The following SYNE1 variants were observed in gnomAD, a reference collection of about 807,000 sequenced individuals.
SYNE1 encodes nesprin-1.
SYNE1 carries 616 observed loss-of-function variants against 1,111.0 expected under a neutral mutation model. That is an observed-to-expected ratio of 0.55 (90% confidence interval 0.52 to 0.59). SYNE1 has a LOEUF of 0.59. Among genes scored for constraint, SYNE1 ranks in the 20% least tolerant of loss-of-function variants. The pLI is 0.00. For missense variants in SYNE1, 10,006 were observed against 10,417.0 expected, an observed-to-expected ratio of 0.96 and a Z score of 1.72; for synonymous variants, 3,855 against 3,825.8, an observed-to-expected ratio of 1.01 and a Z score of -0.28.
chr6:152,628,570 G>T lies in SYNE1; in HGVS notation c.-223-16C>A. 1.9e-6 allele frequency: 1 copy of T among 529,130 alleles called. No homozygotes were observed. The highest frequency in any genetic ancestry group is 3.4e-6 in the Non-Finnish European group (1 of 297,542). The allele number at this position is 529,130 out of a possible 1,614,324, so 32.8% of individuals were successfully genotyped here. A position where few individuals can be genotyped will look rare whatever the true frequency, so the allele number is the denominator to read the frequency against. On this transcript the variant is annotated splice_polypyrimidine_tract_variant and intron_variant, in intron 2 of 145. Transcript: ENST00000367255. The stretch of plus-strand genomic sequence containing the variant: ...ACTCAAGAACCTGAAAAACAAAAAA[G>T]AAAAGGTACAACATAAAAAAAAAAT...
chr6:152,409,073 G>A lies in SYNE1; in HGVS notation c.6535C>T (p.Leu2179=). Residue 2179 remains leucine, a synonymous_variant, in exon 44 of 146, where the codon CTG becomes TTG. Coordinates refer to ENST00000367255, the MANE Select transcript of SYNE1 (RefSeq NM_182961.4). The part of the protein sequence containing the change: ...TDMESTVDKW[L]DVSEKLEENM... ...ATCCCAGGTGATTATCTTACATCCAGCCATTTGTCCACGGTGCTCTCCATG... is the reference window on the plus strand; with the variant it reads ...ATCCCAGGTGATTATCTTACATCCAACCATTTGTCCACGGTGCTCTCCATG... The A allele has an allele frequency of 1.2e-6, 2 of 1,613,898 alleles. No homozygotes were observed. The highest frequency in any genetic ancestry group is 1.7e-6 in the Non-Finnish European group (2 of 1,179,908).
intron 140 of SYNE1, among the ~76,000 whole-genome samples, chr6:152,139,657 AGAAG>A (rs542968921): frequency 1.3e-5 from 2 of 148,394 alleles, no homozygotes; most frequent in Non-Finnish European, 3.0e-5. Context: ...AAGAAAAAAA[AGAAG>A]GAAGGAAGGA....
rs145113471 is a variant in SYNE1 at position 152,450,614 on chromosome 6, T to C, written c.3395+11A>G. The C allele has an allele frequency of 6.2e-7, 1 of 1,613,450 alleles. No homozygotes were observed. The highest frequency in any genetic ancestry group is 8.5e-7 in the Non-Finnish European group (1 of 1,179,480). On this transcript the variant is annotated intron_variant, in intron 27 of 145. Transcript: ENST00000367255. ...GACTACACCCCTCTCTGGAGGCCATTCTGAGGCTACCTGCTAGTGTAGTCC... is the reference window on the plus strand; with the variant it reads ...GACTACACCCCTCTCTGGAGGCCATCCTGAGGCTACCTGCTAGTGTAGTCC...
In SYNE1 at chr6:152,266,845, G is replaced by C. The variant is rs75416817; in HGVS notation, c.18815+1211C>G. Among the ~76,000 whole-genome samples, 21 of 152,174 alleles carry C rather than the reference G, an allele frequency of 1.4e-4. No individual in the cohort carries two copies. The East Asian group carries it at 3.7e-3, about 27-fold the overall frequency. ...TATATATGTGTGTGTATATGTAACA[G>C]ACTGTACGTAGTCAGCATTGACGTC... On this transcript the variant is annotated intron_variant, in intron 100 of 145. Coordinates refer to ENST00000367255, the MANE Select transcript of SYNE1 (RefSeq NM_182961.4).
At chr6:152,237,013 G>A in intron 108 of SYNE1, 65 bp from the exon 109 acceptor site, 2 of 1,591,954 alleles carry the variant, frequency 1.3e-6, no homozygotes, top group Admixed American at 1.7e-5. Flanking sequence ...TTCTTCCTTG[G>A]GTGCAAAATA....
intron 3 of SYNE1, among the ~76,000 whole-genome samples, chr6:152,567,901 A>G (rs1489531297): frequency 2.6e-5 from 4 of 152,224 alleles, no homozygotes; most frequent in Non-Finnish European, 5.9e-5. Context: ...GAGAAAGAAC[A>G]CACCATAGAA....
intron 81 of SYNE1, among the ~76,000 whole-genome samples, chr6:152,324,590 T>C (rs919047917): frequency 3.3e-5 from 5 of 152,086 alleles, no homozygotes; most frequent in South Asian, 2.1e-4. Flanking sequence ...GTCAGGAGAT[T>C]GAGAACATCC....
chr6:152,362,031 T>C (rs569154035), intron 64 of SYNE1, 139 bp downstream of exon 64: 1 of 1,175,458 alleles, frequency 8.5e-7, no homozygotes, highest in Admixed American at 2.1e-5. Context: ...AAGAAGCCTT[T>C]AGAGATTATA....
chr6:152,222,350 G>C (rs1405319254), intron 117 of SYNE1, among the ~76,000 whole-genome samples: 1 of 152,144 alleles, frequency 6.6e-6, no homozygotes, highest in Non-Finnish European at 1.5e-5. Context: ...GTTATGTAAC[G>C]TGCTATCTGC....
intron 56 of SYNE1, among the ~76,000 whole-genome samples, chr6:152,377,450 A>G (rs1405008765): frequency 6.6e-6 from 1 of 150,740 alleles, no homozygotes; most frequent in Non-Finnish European, 1.5e-5. Context: ...CTCTACTGAA[A>G]ATACAAAAAT....
intron 127 of SYNE1, among the ~76,000 whole-genome samples, chr6:152,191,233 CTT>C (rs34434403): frequency 0.036 from 5,103 of 140,178 alleles, 112 homozygotes; most frequent in East Asian, 0.11. Flanking sequence ...TATAATTTTC[CTT>C]TTTTTTTTTT....
At chr6:152,134,304 T>TC (rs1035254083) in intron 142 of SYNE1, 2 of 152,256 alleles carry the variant, frequency 1.3e-5, no homozygotes, top group African/African-American at 4.8e-5. Context: ...ACTCCTTGTT[T>TC]CCCATTTTGT....
At chr6:152,298,559 A>G (rs1473664845) in intron 93 of SYNE1, among the ~76,000 whole-genome samples, 1 of 151,220 alleles carries the variant, frequency 6.6e-6, no homozygotes, top group East Asian at 1.9e-4. Context: ...GCAGGCACAA[A>G]ACCTTTTTTT....
chr6:152,623,715 G>C (rs891637337), intron 3 of SYNE1, among the ~76,000 whole-genome samples: 1 of 152,026 alleles, frequency 6.6e-6, no homozygotes, highest in Non-Finnish European at 1.5e-5. Context: ...AACATGAACA[G>C]ACACTTTGCA....
At chr6:152,368,860 A>C in intron 61 of SYNE1, 112 bp downstream of exon 61, 1 of 1,329,016 alleles carries the variant, frequency 7.5e-7, no homozygotes, top group South Asian at 1.2e-5. Flanking sequence ...GCTGACCTGG[A>C]GACCCACACT....
At chr6:152,143,566 T>C (rs2058898582) in intron 138 of SYNE1, 57 bp downstream of exon 138, 8 of 1,613,080 alleles carry the variant, frequency 5.0e-6, no homozygotes, top group Non-Finnish European at 6.8e-6. Flanking sequence ...CGAACTGTTC[T>C]TTGACACAGA....
chr6:152,204,743 A>T (rs1014896055), intron 126 of SYNE1, among the ~76,000 whole-genome samples: 2 of 152,216 alleles, frequency 1.3e-5, no homozygotes, highest in African/African-American at 2.4e-5. Context: ...GTGAATTATA[A>T]GGAAATAACT....
chr6:152,346,739 G>A (rs1284594331), intron 73 of SYNE1, among the ~76,000 whole-genome samples: 4 of 152,060 alleles, frequency 2.6e-5, no homozygotes, highest in South Asian at 4.1e-4. Flanking sequence ...GAACCTGGGA[G>A]GCGGAGCTTG....
chr6:152,450,505 T>C, intron 27 of SYNE1, 120 bp downstream of exon 27: 1 of 1,016,142 alleles, frequency 9.8e-7, no homozygotes, highest in South Asian at 1.3e-5. Context: ...AAATGAAGGA[T>C]TTTTGTACGA....
Sources: gnomAD v4.1 joint callset for allele counts (sites outside exome capture counted in the v4.1 genomes callset) on GRCh38, gnomAD v4.1.1 for gene constraint, MANE v1.5 for transcripts, NCBI Gene and HGNC (gene_info 2026-07-23, HGNC 2026-07-21) for gene names.